CD109: variants seen among roughly 807,000 people sequenced by gnomAD.
The protein encoded by CD109 is CD109 antigen.
In CD109, 149 loss-of-function variants were observed where a neutral mutation model predicts 165.8. The observed-to-expected ratio is 0.90, with a 90% CI of 0.79 to 1.03. The LOEUF is 1.03. Ranked by LOEUF, CD109 falls within the 50% of genes least tolerant of loss-of-function variation. CD109 has a pLI of 0.00. For missense variants in CD109, 1,712 were observed against 1,677.8 expected, an observed-to-expected ratio of 1.02 and a Z score of -0.36; for synonymous variants, 585 against 592.1, an observed-to-expected ratio of 0.99 and a Z score of 0.18.
chr6:73,784,694 T>C (rs1774624764), intron 19 of CD109, among the ~76,000 whole-genome samples: 2 of 152,218 alleles, frequency 1.3e-5, no homozygotes, highest in South Asian at 4.1e-4. Flanking sequence ...GCTTGGCCTT[T>C]TCTGTAGGAC....
chr6:73,791,016 A>C (rs1774907761), intron 22 of CD109, among the ~76,000 whole-genome samples: 1 of 151,498 alleles, frequency 6.6e-6, no homozygotes, highest in Admixed American at 6.6e-5. Flanking sequence ...GTTAGGACCT[A>C]AAACACTTTT....
At chr6:73,817,160 G>A (rs1324314445) in intron 30 of CD109, among the ~76,000 whole-genome samples, 1 of 152,068 alleles carries the variant, frequency 6.6e-6, no homozygotes, top group Non-Finnish European at 1.5e-5. Flanking sequence ...CTATCAACAG[G>A]GTCCAAGACC....
chr6:73,709,358 A>ATATC (rs1174935083), intron 2 of CD109, among the ~76,000 whole-genome samples: 1 of 152,150 alleles, frequency 6.6e-6, no homozygotes, highest in Non-Finnish European at 1.5e-5. Flanking sequence ...CCATTGGTCT[A>ATATC]TATCTCTGTT....
rs1772545482 is a variant in CD109, at chr6:73,736,411, G to A, written c.536G>A (p.Trp179Ter). 2 of 1,613,572 alleles carry A rather than the reference G, an allele frequency of 1.2e-6. No individual in the cohort carries two copies. The highest frequency in any genetic ancestry group is 2.2e-5 in the East Asian group (1 of 44,858). Residue 179 changes from tryptophan to a stop codon, truncating the protein, a stop_gained, in exon 5 of 33, where the codon TGG (tryptophan) becomes TAG (stop). Transcript: ENST00000287097. LOFTEE classifies it high-confidence loss of function. ...KDPKSNLIQQ[W>*]LSQQSDLGVI... is the part of the protein sequence containing the mutation. ...CCCAAATCAAATTTGATCCAACAGT[G>A]GTTGTCACAACAAAGTGATCTTGGA...
chr6:73,804,203 T>C (rs1182012847), intron 24 of CD109: 3 of 152,286 alleles, frequency 2.0e-5, no homozygotes, highest in African/African-American at 7.2e-5. Flanking sequence ...CTGTATATTA[T>C]TGAATATCAG....
At chr6:73,767,174 A>G (rs750490188) in intron 13 of CD109, among the ~76,000 whole-genome samples, 164 bp downstream of exon 13, 1 of 152,134 alleles carries the variant, frequency 6.6e-6, no homozygotes, top group Non-Finnish European at 1.5e-5. Flanking sequence ...CCTAGTACCC[A>G]TTAGTTATTT....
chr6:73,713,447 C>A (rs1333821859), intron 2 of CD109, among the ~76,000 whole-genome samples: 1 of 151,786 alleles, frequency 6.6e-6, no homozygotes, highest in African/African-American at 2.4e-5. Flanking sequence ...GAGATGGGGT[C>A]ACACGATGTT....
chr6:73,782,433 C>A (rs1234420745), intron 17 of CD109, among the ~76,000 whole-genome samples, 181 bp from the exon 18 acceptor site: 1 of 152,176 alleles, frequency 6.6e-6, no homozygotes, highest in East Asian at 1.9e-4. Flanking sequence ...CTTACTGTAT[C>A]CTTTACCTTT....
chr6:73,727,338 A>G (rs747186856), intron 3 of CD109, among the ~76,000 whole-genome samples: 2 of 152,158 alleles, frequency 1.3e-5, no homozygotes, highest in Middle Eastern at 3.4e-3. Context: ...ACCCAGGTCT[A>G]ATGATTCACC....
At chr6:73,791,924 C>T (rs74684955) in intron 22 of CD109, among the ~76,000 whole-genome samples, 7,473 of 152,150 alleles carry the variant, frequency 0.049, 361 homozygotes, top group East Asian at 0.19. Flanking sequence ...AAATAAACTA[C>T]ATAGAAAGAT....
intron 24 of CD109, among the ~76,000 whole-genome samples, chr6:73,804,826 A>T (rs1775507563): frequency 6.6e-6 from 1 of 152,228 alleles, no homozygotes; most frequent in Non-Finnish European, 1.5e-5. Flanking sequence ...TGGACAATTT[A>T]TTTAACTCTC....
chr6:73,788,449 T>C lies in CD109; in HGVS notation c.2557-19T>C, dbSNP rs756625089. The C allele has an allele frequency of 5.0e-6, 8 of 1,605,632 alleles. No homozygotes were observed. The highest frequency in any genetic ancestry group is 1.7e-4 in the Middle Eastern group (1 of 5,990). ...ATGTGAGTAGAGACCATGTTAATTGTGTTCATTTTTTTCAACAGGCTGAAG... is the reference window on the plus strand; with the variant it reads ...ATGTGAGTAGAGACCATGTTAATTGCGTTCATTTTTTTCAACAGGCTGAAG... On this transcript the variant is annotated intron_variant, in intron 21 of 32. Coordinates refer to ENST00000287097, the MANE Select transcript of CD109 (RefSeq NM_133493.5).
intron 30 of CD109, among the ~76,000 whole-genome samples, chr6:73,817,382 G>A (rs1775977484): frequency 6.6e-6 from 1 of 151,874 alleles, no homozygotes; most frequent in African/African-American, 2.4e-5. Context: ...CCATTTATTA[G>A]TTCTCAATAA....
Position 73,757,337 on chromosome 6 carries a change from C to G in CD109, c.673+655C>G, listed in dbSNP as rs180771069. Among the ~76,000 whole-genome samples, 4 of 152,266 alleles carry G rather than the reference C, an allele frequency of 2.6e-5. No homozygotes were observed. In the East Asian group the frequency reaches 7.7e-4, roughly 29 times the overall value. ...CTCAGGCTCTGTGGGCCATATGTCT[C>G]TGTTGTTACTACTCAATTTTGCCGT... On this transcript the variant is annotated intron_variant, in intron 6 of 32. Transcript: ENST00000287097.
intron 5 of CD109, among the ~76,000 whole-genome samples, chr6:73,746,841 C>A (rs1773000502): frequency 6.6e-6 from 1 of 152,106 alleles, no homozygotes; most frequent in African/African-American, 2.4e-5. Flanking sequence ...GTGTTTAGTT[C>A]CAGCCTTGAT....
At chr6:73,810,202 A>G in intron 27 of CD109, 28 bp downstream of exon 27, 1 of 1,098,114 alleles carries the variant, frequency 9.1e-7, no homozygotes, top group Non-Finnish European at 1.3e-6. Context: ...TTTCCCTTTA[A>G]ACTATAATAT....
chr6:73,777,108 G>A (rs544824633), intron 15 of CD109, among the ~76,000 whole-genome samples: 1 of 96,476 alleles, frequency 1.0e-5, no homozygotes, highest in East Asian at 5.7e-4. Flanking sequence ...ACAGGCATGT[G>A]CCACCATGCT....
chr6:73,730,586 A>G lies in CD109; in HGVS notation c.507+12A>G. The G allele has an allele frequency of 1.9e-6, 3 of 1,551,800 alleles. No homozygotes were observed. The highest frequency in any genetic ancestry group is 2.2e-5 in the East Asian group (1 of 44,514). ...ACATTCTCATTAAGGTAAGTGCCAG[A>G]CAGAAATGAAGCAAGGAATTCTAGC... is the stretch of plus-strand genomic sequence containing the variant. On this transcript the variant is annotated intron_variant, in intron 4 of 32. Coordinates refer to ENST00000287097, the MANE Select transcript of CD109 (RefSeq NM_133493.5).
rs1258047974 is a variant in CD109 at position 73,806,868 on chromosome 6, T to C, written c.2985T>C (p.Cys995=). 1 of 1,613,332 alleles carries C rather than the reference T, an allele frequency of 6.2e-7. No homozygotes were observed. The highest frequency in any genetic ancestry group is 8.5e-7 in the Non-Finnish European group (1 of 1,179,592). Residue 995 remains cysteine, a synonymous_variant, in exon 25 of 33, where the codon TGT becomes TGC. Transcript: ENST00000287097. ...STWLSAFVLR[C]FLEADPYIDI... is the part of the protein sequence containing the mutation. ...GGTTGTCAGCTTTTGTTTTAAGATG[T>C]TTCCTTGAAGCCGATCCTTACATAG...
Sources: gnomAD v4.1 joint callset for allele counts (sites outside exome capture counted in the v4.1 genomes callset) on GRCh38, gnomAD v4.1.1 for gene constraint, MANE v1.5 for transcripts, NCBI Gene and HGNC (gene_info 2026-07-23, HGNC 2026-07-21) for gene names.